DOP1B: variants seen among roughly 807,000 people sequenced by gnomAD.
The protein encoded by DOP1B is DOP1 leucine zipper like protein B, also known as protein DOP1B.
DOP1B carries 174 observed loss-of-function variants against 233.5 expected under a neutral mutation model. That is an observed-to-expected ratio of 0.75 (90% CI 0.66 to 0.85). DOP1B has a LOEUF of 0.85. DOP1B is among the 40% of genes least tolerant of loss of function. The pLI, the probability that DOP1B is intolerant of heterozygous loss-of-function variation, is 0.00. For synonymous variants in DOP1B, 1,190 were observed against 1,185.6 expected, an observed-to-expected ratio of 1.00 and a Z score of -0.08; for missense variants, 2,652 against 2,846.6, an observed-to-expected ratio of 0.93 and a Z score of 1.56.
In DOP1B at chr21:36,237,326, T is replaced by C; in HGVS notation, c.2687T>C (p.Val896Ala). 9 of 1,614,186 alleles carry C rather than the reference T, an allele frequency of 5.6e-6. No individual in the cohort carries two copies. The highest frequency in any genetic ancestry group is 7.6e-6 in the Non-Finnish European group (9 of 1,180,036). ...ACCCGGGAGCATCACGTCACCTGCG[T>C]AGAATTGTTCTACCGGCTGCACTGC... ...KETREHHVTC[V>A]ELFYRLHCLA... The change falls in exon 16 of 37, where the codon GTA (valine) becomes GCA (alanine). Residue 896 changes from valine (V) to alanine (A), a missense_variant. By Grantham distance (64) the Val-to-Ala change is moderately conservative (BLOSUM62 0). Coordinates refer to ENST00000691173, the MANE Select transcript of DOP1B (RefSeq NM_001320714.2).
intron 2 of DOP1B, among the ~76,000 whole-genome samples, chr21:36,197,093 C>T (rs201007996): frequency 1.3e-4 from 20 of 152,028 alleles, no homozygotes; most frequent in East Asian, 3.9e-4. Flanking sequence ...CCACCATGCC[C>T]GGCTAATTTT....
intron 23 of DOP1B, among the ~76,000 whole-genome samples, chr21:36,257,322 C>T (rs1239295092): frequency 1.3e-5 from 2 of 152,142 alleles, no homozygotes; most frequent in Non-Finnish European, 2.9e-5. Context: ...CATGGACAAC[C>T]GTGTCGAAGT....
At chr21:36,211,407 G>C in intron 5 of DOP1B, 146 bp from the exon 6 acceptor site, 1 of 690,154 alleles carries the variant, frequency 1.4e-6, no homozygotes, top group African/African-American at 1.8e-5. Context: ...TCGAGAGCTA[G>C]AACCCACACC....
chr21:36,249,702 C>A (rs551313420), intron 21 of DOP1B, among the ~76,000 whole-genome samples: 1 of 152,134 alleles, frequency 6.6e-6, no homozygotes, highest in Non-Finnish European at 1.5e-5. Context: ...GCGCAGGACT[C>A]GGTCGCTCAC....
rs768492138 is a variant in DOP1B, at chr21:36,220,612, C to T, written c.1250+1120C>T. On this transcript the variant is annotated intron_variant, in intron 10 of 36. Transcript: ENST00000691173. ...GTCTCCTGGGCTCAAGCGATCCTCACGCCTCAGCCCCTTAAGTAGCTGGGA... is the reference window on the plus strand; with the variant it reads ...GTCTCCTGGGCTCAAGCGATCCTCATGCCTCAGCCCCTTAAGTAGCTGGGA... Among the ~76,000 whole-genome samples the T allele has an allele frequency of 9.2e-5, 14 of 152,012 alleles. No homozygotes were observed. The East Asian group carries it at 1.2e-3, about 13-fold the overall frequency.
At chr21:36,178,355 C>T (rs943883311) in intron 2 of DOP1B, among the ~76,000 whole-genome samples, 1 of 151,816 alleles carries the variant, frequency 6.6e-6, no homozygotes. Flanking sequence ...CAAAATTAGC[C>T]TGGTGTGGTA....
At chr21:36,241,344 C>G (rs1001808441) in intron 18 of DOP1B, among the ~76,000 whole-genome samples, 2 of 151,778 alleles carry the variant, frequency 1.3e-5, no homozygotes, top group African/African-American at 4.8e-5. Flanking sequence ...CTAGCAAGCT[C>G]ACTTCAAAGA....
At chr21:36,261,407 G>T (rs1170117383) in intron 24 of DOP1B, 2 of 993,478 alleles carry the variant, frequency 2.0e-6, no homozygotes, top group African/African-American at 1.7e-5. Flanking sequence ...GTTTCTGGTG[G>T]CGTTCTCAGT....
At position 36,232,801 on chromosome 21, in the gene DOP1B, C is replaced by T. The variant is rs2066782508; in HGVS notation, c.2351-3C>T. Reference sequence around the variant, plus strand: ...TCTGCCTCTCCGGCTGGCTTCCTTTCAGGAGCCGGTGATTCCAGTTTTCCA... The same window carrying T: ...TCTGCCTCTCCGGCTGGCTTCCTTTTAGGAGCCGGTGATTCCAGTTTTCCA... On this transcript the variant is annotated splice_polypyrimidine_tract_variant and splice_region_variant and intron_variant, in intron 14 of 36. Coordinates refer to ENST00000691173, the MANE Select transcript of DOP1B (RefSeq NM_001320714.2). The T allele has an allele frequency of 6.2e-7, 1 of 1,611,958 alleles. No homozygotes were observed.
chr21:36,213,829 C>A (rs111866648), intron 7 of DOP1B, among the ~76,000 whole-genome samples: 1 of 151,856 alleles, frequency 6.6e-6, no homozygotes, highest in African/African-American at 2.4e-5. Context: ...CGTGAGCCAC[C>A]GCGCCCAGCC....
intron 12 of DOP1B, among the ~76,000 whole-genome samples, chr21:36,225,886 A>C (rs929427011): frequency 1.3e-5 from 2 of 152,196 alleles, no homozygotes; most frequent in African/African-American, 4.8e-5. Flanking sequence ...GCCAGTTGTA[A>C]GTGGGCAAAG....
At chr21:36,175,554 A>T (rs2066013341) in intron 2 of DOP1B, among the ~76,000 whole-genome samples, 1 of 151,490 alleles carries the variant, frequency 6.6e-6, no homozygotes, top group Admixed American at 6.6e-5. Context: ...GGCCTATGGG[A>T]GGCCAAGATG....
chr21:36,235,866 G>GGA (rs946011261), intron 15 of DOP1B, among the ~76,000 whole-genome samples: 4 of 147,808 alleles, frequency 2.7e-5, no homozygotes, highest in East Asian at 4.2e-4. Context: ...AGGAAGTCGG[G>GGA]GGGGGGGCGG....
intron 26 of DOP1B, among the ~76,000 whole-genome samples, chr21:36,269,520 C>T (rs182355742): frequency 9.9e-5 from 15 of 151,920 alleles, no homozygotes; most frequent in Admixed American, 9.2e-4. Context: ...AAATAAAATA[C>T]ATTATTAATT....
At chr21:36,198,041 G>A (rs971087396) in intron 2 of DOP1B, among the ~76,000 whole-genome samples, 1 of 146,652 alleles carries the variant, frequency 6.8e-6, no homozygotes, top group Non-Finnish European at 1.5e-5. Context: ...AAAAAGAAGC[G>A]TGAACTTTTA....
chr21:36,282,916 G>A (rs13050228), intron 32 of DOP1B, among the ~76,000 whole-genome samples: 4,938 of 151,064 alleles, frequency 0.033, 109 homozygotes, highest in Non-Finnish European at 0.046. Context: ...GCACTGAGCC[G>A]AGATTGTGCC....
At chr21:36,169,703 G>C (rs2065953570) in intron 2 of DOP1B, 1 of 922,474 alleles carries the variant, frequency 1.1e-6, no homozygotes, top group African/African-American at 1.6e-5. Flanking sequence ...AGCGAGGCGG[G>C]TGACTTGGCA....
At position 36,281,467 on chromosome 21, in the gene DOP1B, G is replaced by A; in HGVS notation, c.6032-16G>A. The A allele has an allele frequency of 6.4e-7, 1 of 1,573,396 alleles. No homozygotes were observed. Among genetic ancestry groups the A allele is most frequent in the Non-Finnish European group, 8.7e-7 (1 of 1,149,692 alleles). On this transcript the variant is annotated splice_polypyrimidine_tract_variant and intron_variant, in intron 31 of 36. Transcript: ENST00000691173. Reference sequence around the variant, plus strand: ...TGGTTTTCTCACTAAGTAAAACATTGCTGTATTTATTCTAGACATGCAGAG... The same window carrying A: ...TGGTTTTCTCACTAAGTAAAACATTACTGTATTTATTCTAGACATGCAGAG...
chr21:36,157,472 C>CT (rs1257920810), intron 1 of DOP1B, among the ~76,000 whole-genome samples: 2 of 152,238 alleles, frequency 1.3e-5, no homozygotes, highest in Middle Eastern at 3.2e-3. Flanking sequence ...AGTGCGCGCT[C>CT]TGCCAGCCTG....
Sources: allele counts gnomAD v4.1 joint callset (sites outside exome capture counted in the v4.1 genomes callset), GRCh38; gene constraint gnomAD v4.1.1; transcripts MANE v1.5; gene names NCBI Gene and HGNC (gene_info 2026-07-23, HGNC 2026-07-21).